The following TEAD1 variants were observed in gnomAD, a reference collection of about 807,000 sequenced individuals.
TEAD1 encodes the protein transcriptional enhancer factor TEF-1.
Under a neutral mutation model 54.9 loss-of-function variants are expected in TEAD1, and 9 were observed. That is an observed-to-expected ratio of 0.16 (90% confidence interval 0.10 to 0.29). The LOEUF (loss-of-function observed/expected upper bound fraction) is 0.29, where lower values mean the gene tolerates loss of function less well. Among genes scored for constraint, TEAD1 ranks in the 10% least tolerant of loss-of-function variants. The pLI is 1.00. For synonymous variants in TEAD1, 200 were observed against 187.8 expected (o/e 1.07, Z -0.53); for missense variants, 387 against 535.9 (o/e 0.72, Z 2.74).
At chr11:12,733,897 T>C (rs1306754672) in intron 2 of TEAD1, among the ~76,000 whole-genome samples, 1 of 152,230 alleles carries the variant, frequency 6.6e-6, no homozygotes, top group Non-Finnish European at 1.5e-5. Context: ...TGCTTGTGTC[T>C]TTGTGTGTGC....
intron 12 of TEAD1, 36 bp downstream of exon 12, chr11:12,930,362 C>G: frequency 6.2e-7 from 1 of 1,613,160 alleles, no homozygotes. Context: ...TGGGCAGATG[C>G]TGCCATGAGG....
intron 10 of TEAD1, among the ~76,000 whole-genome samples, chr11:12,918,382 T>C (rs868370689): frequency 8.6e-5 from 13 of 151,724 alleles, no homozygotes; most frequent in Non-Finnish European, 1.0e-4. Flanking sequence ...ACATCAATAC[T>C]TCCTCCTAGA....
chr11:12,783,761 C>T lies in TEAD1; in HGVS notation c.202+19327C>T, dbSNP rs150502764. ...CTGAAGGCAGAGAGATGTGAAAATA[C>T]AGTGTTTTCAGGAGTAGTAAGGAGG... On this transcript the variant is annotated intron_variant, in intron 3 of 12. Coordinates refer to ENST00000527636, the MANE Select transcript of TEAD1 (RefSeq NM_021961.6). Among the ~76,000 whole-genome samples, 1,100 of 152,220 alleles carry T rather than the reference C, an allele frequency of 7.2e-3. 18 individuals are homozygous for T. The highest frequency in any genetic ancestry group is 0.026 in the African/African-American group (1,060 of 41,546).
At chr11:12,726,971 G>A (rs12269900) in intron 2 of TEAD1, among the ~76,000 whole-genome samples, 52,554 of 152,032 alleles carry the variant, frequency 0.35, 9,661 homozygotes, top group South Asian at 0.61. Context: ...TGGGTGTGGT[G>A]GCTCACAACT....
At chr11:12,925,226 A>G (rs1306154825) in intron 11 of TEAD1, among the ~76,000 whole-genome samples, 174 bp downstream of exon 11, 1 of 152,192 alleles carries the variant, frequency 6.6e-6, no homozygotes, top group Non-Finnish European at 1.5e-5. Flanking sequence ...TTATGAAGAA[A>G]AGATGTTTCA....
At chr11:12,919,183 T>C (rs1412121088) in intron 10 of TEAD1, among the ~76,000 whole-genome samples, 1 of 152,128 alleles carries the variant, frequency 6.6e-6, no homozygotes, top group Non-Finnish European at 1.5e-5. Context: ...TGAGGGTAGG[T>C]TGGGTATTCT....
rs143743168 is a variant in TEAD1, at chr11:12,870,316, C to T, written c.330+5416C>T. Among the ~76,000 whole-genome samples the T allele has an allele frequency of 3.0e-3, 460 of 152,206 alleles. 5 individuals are homozygous for T. Among genetic ancestry groups the T allele is most frequent in the Non-Finnish European group, 5.0e-3 (343 of 68,010 alleles). The stretch of plus-strand genomic sequence containing the variant: ...TGACCTTGGATACAGACCCTGACTG[C>T]AGAGGAGAGATACGAGGTTCAGGAC... On this transcript the variant is annotated intron_variant, in intron 5 of 12. Transcript: ENST00000527636.
chr11:12,679,995 CTAAA>C (rs1402121705), intron 2 of TEAD1, among the ~76,000 whole-genome samples: 1 of 152,036 alleles, frequency 6.6e-6, no homozygotes, highest in Non-Finnish European at 1.5e-5. Context: ...AGATAGTAAA[CTAAA>C]TAAATGAATA....
intron 3 of TEAD1, among the ~76,000 whole-genome samples, chr11:12,778,925 C>T (rs1377893282): frequency 2.0e-5 from 3 of 152,108 alleles, no homozygotes; most frequent in Admixed American, 2.0e-4. Flanking sequence ...ACCCCACTCC[C>T]CTGTTTACAC....
chr11:12,934,828 C>G (rs80044241), intron 12 of TEAD1, among the ~76,000 whole-genome samples: 2,746 of 152,116 alleles, frequency 0.018, 36 homozygotes, highest in Non-Finnish European at 0.032. Flanking sequence ...GCACTTGTCA[C>G]GTAGTAATTC....
chr11:12,710,886 C>T (rs1943922593), intron 2 of TEAD1, among the ~76,000 whole-genome samples: 1 of 151,960 alleles, frequency 6.6e-6, no homozygotes, highest in Admixed American at 6.6e-5. Flanking sequence ...GCTAGCGTCT[C>T]CTGGAAGGGG....
chr11:12,755,996 T>G (rs575007473), intron 2 of TEAD1, among the ~76,000 whole-genome samples: 1 of 152,286 alleles, frequency 6.6e-6, no homozygotes, highest in South Asian at 2.1e-4. Flanking sequence ...AGTGGTCCCA[T>G]CAGAGCTGCA....
intron 3 of TEAD1, among the ~76,000 whole-genome samples, chr11:12,854,088 G>A (rs936419386): frequency 1.3e-5 from 2 of 152,172 alleles, no homozygotes; most frequent in African/African-American, 4.8e-5. Context: ...TGAATGGGCG[G>A]CCTGGCTGTT....
chr11:12,923,391 C>A (rs937238098), intron 10 of TEAD1, among the ~76,000 whole-genome samples: 1 of 152,160 alleles, frequency 6.6e-6, no homozygotes, highest in South Asian at 2.1e-4. Context: ...TGGGGGCCCA[C>A]TCCTCACCGT....
chr11:12,837,570 C>G (rs1037668644), intron 3 of TEAD1, among the ~76,000 whole-genome samples: 5 of 152,160 alleles, frequency 3.3e-5, no homozygotes, highest in African/African-American at 4.8e-5. Context: ...CCTGGTACCT[C>G]TCTCCTTGGC....
At chr11:12,892,441 CA>C (rs1301631500) in intron 9 of TEAD1, among the ~76,000 whole-genome samples, 1 of 152,108 alleles carries the variant, frequency 6.6e-6, no homozygotes, top group African/African-American at 2.4e-5. Context: ...GTCAGGCATT[CA>C]AGACCAGCCT....
chr11:12,678,830 G>A (rs1045677689), intron 2 of TEAD1, among the ~76,000 whole-genome samples: 1 of 152,124 alleles, frequency 6.6e-6, no homozygotes, highest in Admixed American at 6.5e-5. Context: ...ATTTGAATTT[G>A]GAATTGAAAT....
At chr11:12,773,689 A>G (rs1011728364) in intron 3 of TEAD1, among the ~76,000 whole-genome samples, 1 of 152,222 alleles carries the variant, frequency 6.6e-6, no homozygotes, top group Non-Finnish European at 1.5e-5. Context: ...GTGGTTTGCA[A>G]AGATTTTCTC....
intron 3 of TEAD1, among the ~76,000 whole-genome samples, chr11:12,821,116 A>G (rs1946536006): frequency 6.6e-6 from 1 of 152,128 alleles, no homozygotes; most frequent in African/African-American, 2.4e-5. Context: ...GCCCCATTCA[A>G]TTGTCCACTT....
Sources: allele counts gnomAD v4.1 joint callset (sites outside exome capture counted in the v4.1 genomes callset), GRCh38; gene constraint gnomAD v4.1.1; transcripts MANE v1.5; gene names NCBI Gene and HGNC (gene_info 2026-07-23, HGNC 2026-07-21).